RALYL: variants seen among roughly 807,000 people sequenced by gnomAD.
RALYL encodes RALY RNA binding protein like.
RALYL carries 29 observed loss-of-function variants against 35.1 expected under a neutral mutation model. The ratio of observed to expected loss-of-function variants is 0.83; its 90% CI spans 0.61 to 1.13. The LOEUF (loss-of-function observed/expected upper bound fraction) is 1.13. Among genes scored for constraint, RALYL ranks in the 50% most tolerant of loss-of-function variants. RALYL has a pLI of 0.00. For missense variants in RALYL, 359 were observed against 360.4 expected (o/e 1.00, Z 0.03); for synonymous variants, 120 against 127.6 (o/e 0.94, Z 0.40).
intron 2 of RALYL, among the ~76,000 whole-genome samples, chr8:84,544,628 C>A (rs994371041): frequency 5.3e-5 from 8 of 151,956 alleles, no homozygotes; most frequent in African/African-American, 1.9e-4. Flanking sequence ...GATGAGTATG[C>A]TCTTTCATAT....
At chr8:84,889,020 G>T (rs1843383188) in intron 8 of RALYL, among the ~76,000 whole-genome samples, 2 of 152,134 alleles carry the variant, frequency 1.3e-5, no homozygotes, top group African/African-American at 2.4e-5. Flanking sequence ...AAAGAGCTGG[G>T]ATTACATGTG....
At chr8:84,517,141 C>T (rs1414060007) in intron 1 of RALYL, among the ~76,000 whole-genome samples, 2 of 152,134 alleles carry the variant, frequency 1.3e-5, no homozygotes, top group Admixed American at 6.6e-5. Context: ...AATATACACT[C>T]CAGTTGAATC....
chr8:84,613,755 A>G (rs897746213), intron 2 of RALYL, among the ~76,000 whole-genome samples: 2 of 151,356 alleles, frequency 1.3e-5, no homozygotes, highest in Admixed American at 1.3e-4. Context: ...AAGCATTAAC[A>G]TCATTATAGG....
chr8:84,439,838 T>TA (rs1435276422), intron 1 of RALYL, among the ~76,000 whole-genome samples: 1 of 152,106 alleles, frequency 6.6e-6, no homozygotes, highest in Non-Finnish European at 1.5e-5. Context: ...TCTTTATAAT[T>TA]AAAAAATTAT....
intron 1 of RALYL, among the ~76,000 whole-genome samples, chr8:84,406,773 C>T (rs1194467044): frequency 6.6e-6 from 1 of 151,968 alleles, no homozygotes; most frequent in African/African-American, 2.4e-5. Flanking sequence ...TAAGGAACCT[C>T]ATGCATTCAG....
At chr8:84,387,593 G>A (rs1043052225) in intron 1 of RALYL, among the ~76,000 whole-genome samples, 6 of 151,612 alleles carry the variant, frequency 4.0e-5, no homozygotes, top group Admixed American at 6.6e-5. Context: ...TCTGTCAATG[G>A]CAGGGATTGA....
chr8:84,445,393 T>C (rs1479003720), intron 1 of RALYL, among the ~76,000 whole-genome samples: 1 of 151,956 alleles, frequency 6.6e-6, no homozygotes, highest in Non-Finnish European at 1.5e-5. Flanking sequence ...TAAGTGAATT[T>C]AGAAGGATAT....
rs1275406438 is a variant in RALYL, at chr8:84,489,950, C to T, written c.-23-39349C>T. ...GGAGAAGGAACCAAATCATGAAAGA[C>T]CATATCCAGAAATAAAAGTTTTTCT... On this transcript the variant is annotated intron_variant, in intron 1 of 8. Coordinates refer to ENST00000521268, the MANE Select transcript of RALYL (RefSeq NM_173848.7). Among the ~76,000 whole-genome samples the T allele has an allele frequency of 2.0e-5, 3 of 151,834 alleles. No individual in the cohort carries two copies. The South Asian group carries it at 6.2e-4, about 31-fold the overall frequency.
chr8:84,185,044 C>T (rs755968891), intron 1 of RALYL: 1 of 1,612,582 alleles, frequency 6.2e-7, no homozygotes, highest in East Asian at 2.2e-5. Context: ...TTTTGCTTTA[C>T]CAAAGGGCTT....
intron 1 of RALYL, among the ~76,000 whole-genome samples, chr8:84,523,307 C>G (rs1250927163): frequency 6.6e-6 from 1 of 151,828 alleles, no homozygotes; most frequent in African/African-American, 2.4e-5. Context: ...TCTCATGAGA[C>G]TTATTCACAC....
chr8:84,656,248 T>C (rs1829937982), intron 2 of RALYL, among the ~76,000 whole-genome samples: 1 of 152,168 alleles, frequency 6.6e-6, no homozygotes, highest in Admixed American at 6.6e-5. Context: ...GAGCTGATTC[T>C]GCAGGCCCCA....
intron 1 of RALYL, among the ~76,000 whole-genome samples, chr8:84,516,065 G>A (rs971749341): frequency 2.6e-5 from 4 of 151,306 alleles, no homozygotes; most frequent in Non-Finnish European, 5.9e-5. Flanking sequence ...AGGTGGGTGG[G>A]GATATAGTTA....
chr8:84,252,444 G>A (rs1359591807), intron 1 of RALYL, among the ~76,000 whole-genome samples: 1 of 152,110 alleles, frequency 6.6e-6, no homozygotes, highest in East Asian at 1.9e-4. Flanking sequence ...GGTACAAGCT[G>A]GAAATGTAAA....
chr8:84,576,710 T>G (rs1384027996), intron 2 of RALYL, among the ~76,000 whole-genome samples: 1 of 152,202 alleles, frequency 6.6e-6, no homozygotes, highest in Non-Finnish European at 1.5e-5. Flanking sequence ...CAGATCTAGA[T>G]CTAGACCTAT....
intron 2 of RALYL, among the ~76,000 whole-genome samples, chr8:84,644,382 TG>T (rs1163631623): frequency 6.6e-6 from 1 of 152,104 alleles, no homozygotes; most frequent in Admixed American, 6.6e-5. Flanking sequence ...TCTAGAAATT[TG>T]GTATTACTAA....
chr8:84,671,392 G>GGCCCTCTTCTT (rs1489851005), intron 2 of RALYL, among the ~76,000 whole-genome samples: 1 of 152,132 alleles, frequency 6.6e-6, no homozygotes, highest in African/African-American at 2.4e-5. Flanking sequence ...AGCTCCACTA[G>GGCCCTCTTCTT]GCAGTGCCCC....
At chr8:84,568,973 A>G (rs1430207841) in intron 2 of RALYL, among the ~76,000 whole-genome samples, 1 of 149,382 alleles carries the variant, frequency 6.7e-6, no homozygotes, top group Non-Finnish European at 1.5e-5. Flanking sequence ...GTAGGTTGCG[A>G]AAATTTTCTC....
intron 1 of RALYL, among the ~76,000 whole-genome samples, chr8:84,498,753 T>C (rs887026550): frequency 3.9e-5 from 6 of 152,182 alleles, no homozygotes; most frequent in African/African-American, 1.4e-4. Flanking sequence ...TTTCAACAGA[T>C]GACTCTTATA....
chr8:84,498,272 T>G (rs1004945384), intron 1 of RALYL, among the ~76,000 whole-genome samples: 1 of 152,012 alleles, frequency 6.6e-6, no homozygotes, highest in Non-Finnish European at 1.5e-5. Context: ...GCTTGCGAGT[T>G]GTAGACTATC....
Sources: gnomAD v4.1 joint callset for allele counts (sites outside exome capture counted in the v4.1 genomes callset) on GRCh38, gnomAD v4.1.1 for gene constraint, MANE v1.5 for transcripts, NCBI Gene and HGNC (gene_info 2026-07-23, HGNC 2026-07-21) for gene names.